The following BBS9 variants were observed in gnomAD, a reference collection of about 807,000 sequenced individuals.
BBS9 encodes protein PTHB1.
Under a neutral mutation model 117.7 loss-of-function variants are expected in BBS9, and 89 were observed. The observed-to-expected ratio is 0.76, with a 90% confidence interval of 0.64 to 0.90. The LOEUF (loss-of-function observed/expected upper bound fraction) is 0.90. Among genes scored for constraint, BBS9 ranks in the 40% least tolerant of loss-of-function variants. BBS9 has a pLI of 0.00. For missense variants in BBS9, 982 were observed against 1,042.2 expected (o/e 0.94, Z 0.80); for synonymous variants, 379 against 370.9 (o/e 1.02, Z -0.25).
intron 19 of BBS9, among the ~76,000 whole-genome samples, chr7:33,505,124 A>C (rs1187326960): frequency 6.6e-6 from 1 of 152,208 alleles, no homozygotes; most frequent in Admixed American, 6.5e-5. Context: ...GCTGGTAATA[A>C]AGACTGTGAT....
At chr7:33,610,310 A>G (rs536980639), downstream of BBS9, among the ~76,000 whole-genome samples, 49 of 152,204 alleles carry the variant, frequency 3.2e-4, no homozygotes, top group Non-Finnish European at 6.2e-4. Context: ...GTACTGCTAT[A>G]ACAGAATACC....
intron 21 of BBS9, among the ~76,000 whole-genome samples, chr7:33,543,308 TG>T (rs1462282406): frequency 5.2e-5 from 6 of 115,930 alleles, no homozygotes; most frequent in African/African-American, 1.7e-4. Flanking sequence ...TTGATGGGAT[TG>T]TTTTTTTTTT....
At chr7:33,501,483 G>T (rs532550583) in intron 19 of BBS9, among the ~76,000 whole-genome samples, 1 of 152,164 alleles carries the variant, frequency 6.6e-6, no homozygotes, top group Non-Finnish European at 1.5e-5. Context: ...TATCCAATGA[G>T]ACTGAGACTT....
chr7:33,489,117 C>T lies in BBS9; in HGVS notation c.2116-16346C>T, dbSNP rs139514768. ...AAGCAATTCTCCTGCCTCAGCCTCCCGAGTAGCTGGGATTATAGGCGTGCA... is the reference window on the plus strand; with the variant it reads ...AAGCAATTCTCCTGCCTCAGCCTCCTGAGTAGCTGGGATTATAGGCGTGCA... On this transcript the variant is annotated intron_variant, in intron 19 of 22. Coordinates refer to ENST00000242067, the MANE Select transcript of BBS9 (RefSeq NM_198428.3). Among the ~76,000 whole-genome samples the T allele has an allele frequency of 8.5e-3, 1,288 of 151,436 alleles. 12 individuals carry two copies. The highest frequency in any genetic ancestry group is 0.014 in the Admixed American group (210 of 15,192).
At chr7:33,519,917 A>G (rs1244739718) in intron 20 of BBS9, among the ~76,000 whole-genome samples, 1 of 152,134 alleles carries the variant, frequency 6.6e-6, no homozygotes, top group African/African-American at 2.4e-5. Context: ...CTAAATCCTC[A>G]GTTGGAAGTT....
At chr7:33,503,938 G>A (rs2392241) in intron 19 of BBS9, among the ~76,000 whole-genome samples, 119,732 of 152,074 alleles carry the variant, frequency 0.79, 47,509 homozygotes, top group African/African-American at 0.87. Flanking sequence ...CCCCAGGGAT[G>A]TTAACTCTGG....
At chr7:33,622,705 G>C (rs1473343661) in intron 21 of BBS9, among the ~76,000 whole-genome samples, 1 of 152,138 alleles carries the variant, frequency 6.6e-6, no homozygotes, top group Non-Finnish European at 1.5e-5. Context: ...TAATTGTAAA[G>C]CTAAAACATA....
At chr7:33,390,982 A>T (rs949239177) in intron 19 of BBS9, among the ~76,000 whole-genome samples, 2 of 152,202 alleles carry the variant, frequency 1.3e-5, no homozygotes, top group African/African-American at 4.8e-5. Context: ...ATGGTTACAT[A>T]ATAGTTTATG....
At chr7:33,303,848 G>C (rs569041402) in intron 9 of BBS9, among the ~76,000 whole-genome samples, 1 of 152,114 alleles carries the variant, frequency 6.6e-6, no homozygotes, top group Non-Finnish European at 1.5e-5. Flanking sequence ...GCGTGATCTC[G>C]GCTCGCTACA....
At chr7:33,572,608 C>T (rs1318673404) in intron 21 of BBS9, among the ~76,000 whole-genome samples, 1 of 151,940 alleles carries the variant, frequency 6.6e-6, no homozygotes, top group East Asian at 1.9e-4. Flanking sequence ...ACATCTGTTA[C>T]TTTTTCTCAT....
chr7:33,288,129 T>TG, intron 9 of BBS9, among the ~76,000 whole-genome samples: 2 of 152,220 alleles, frequency 1.3e-5, no homozygotes, highest in South Asian at 4.1e-4. Context: ...ACTAGGAGGA[T>TG]GGGGTGGAGC....
At chr7:33,146,018 C>T (rs1280590134) in intron 1 of BBS9, among the ~76,000 whole-genome samples, 1 of 152,230 alleles carries the variant, frequency 6.6e-6, no homozygotes, top group African/African-American at 2.4e-5. Flanking sequence ...ATTAGCACAA[C>T]ATAAATGTAT....
chr7:33,431,845 G>A (rs1352928646), intron 19 of BBS9, among the ~76,000 whole-genome samples: 1 of 152,138 alleles, frequency 6.6e-6, no homozygotes, highest in Non-Finnish European at 1.5e-5. Flanking sequence ...CACCATGAAT[G>A]TTCATACTTT....
At chr7:33,274,864 G>A (rs902033404) in intron 9 of BBS9, among the ~76,000 whole-genome samples, 17 of 151,998 alleles carry the variant, frequency 1.1e-4, no homozygotes, top group Middle Eastern at 3.4e-3. Flanking sequence ...GTGTGGCGGC[G>A]TGTGCATGTA....
chr7:33,582,410 G>T (rs962957910), intron 21 of BBS9, among the ~76,000 whole-genome samples: 5 of 152,010 alleles, frequency 3.3e-5, no homozygotes, highest in African/African-American at 4.8e-5. Flanking sequence ...GCCAGGACAG[G>T]TTGGGAGAAC....
At chr7:33,306,974 T>C (rs1186527047) in intron 9 of BBS9, among the ~76,000 whole-genome samples, 1 of 113,304 alleles carries the variant, frequency 8.8e-6, no homozygotes, top group Non-Finnish European at 2.2e-5. Flanking sequence ...GCAGGAACAT[T>C]GTATGTACGC....
intron 19 of BBS9, among the ~76,000 whole-genome samples, chr7:33,504,439 T>C (rs906502972): frequency 3.3e-5 from 5 of 152,182 alleles, no homozygotes; most frequent in Non-Finnish European, 7.3e-5. Flanking sequence ...GTTTGAATGA[T>C]GATTTTTTAA....
chr7:33,271,471 C>T (rs770096625), intron 7 of BBS9, among the ~76,000 whole-genome samples: 1 of 152,128 alleles, frequency 6.6e-6, no homozygotes, highest in Non-Finnish European at 1.5e-5. Flanking sequence ...TCAAGAGACC[C>T]ATCTCACATG....
At chr7:33,386,522 G>A (rs1429322561) in intron 18 of BBS9, among the ~76,000 whole-genome samples, 5 of 150,482 alleles carry the variant, frequency 3.3e-5, no homozygotes, top group South Asian at 2.1e-4. Flanking sequence ...ACGGGGTCTC[G>A]CTCTGTCGCC....
Sources: gnomAD v4.1 joint callset for allele counts (sites outside exome capture counted in the v4.1 genomes callset) on GRCh38, gnomAD v4.1.1 for gene constraint, MANE v1.5 for transcripts, NCBI Gene and HGNC (gene_info 2026-07-23, HGNC 2026-07-21) for gene names.